The following LRRC42 variants were observed in gnomAD, a reference collection of about 807,000 sequenced individuals.
The protein encoded by LRRC42 is leucine rich repeat containing 42.
In LRRC42, 43 loss-of-function variants were observed where a neutral mutation model predicts 44.3. That is an observed-to-expected ratio of 0.97 (90% CI 0.76 to 1.25). The LOEUF (loss-of-function observed/expected upper bound fraction) is 1.25, where lower values mean the gene tolerates loss of function less well. LRRC42 is among the 50% of genes most tolerant of loss of function. LRRC42 has a pLI of 0.00. For synonymous variants in LRRC42, 207 were observed against 195.2 expected, an observed-to-expected ratio of 1.06 and a Z score of -0.50; for missense variants, 540 against 509.1, an observed-to-expected ratio of 1.06 and a Z score of -0.58.
chr1:53,961,949 C>T (rs369643311), intron 5 of LRRC42, 85 bp from the exon 6 acceptor site: 36 of 957,354 alleles, frequency 3.8e-5, no homozygotes, highest in African/African-American at 1.2e-4. Context: ...TATCATTGCC[C>T]GGACGTTTTT....
Position 53,965,696 on chromosome 1 carries a change from C to T in LRRC42, c.928-600C>T, listed in dbSNP as rs550260658. ...TTCACTGTGTTAGCCAGGATGGTCT[C>T]GATCTCCTGACCTCGTGACCCGCCC... On this transcript the variant is annotated intron_variant, in intron 7 of 8. Transcript: ENST00000371370. 5.8e-4 allele frequency among the ~76,000 whole-genome samples: 88 copies of T among 150,974 alleles called. No individual in the cohort carries two copies. In the South Asian group the frequency reaches 6.1e-3, roughly 10 times the overall value.
chr1:53,956,225 C>T (rs1654832562), intron 3 of LRRC42, among the ~76,000 whole-genome samples: 1 of 152,174 alleles, frequency 6.6e-6, no homozygotes, highest in Non-Finnish European at 1.5e-5. Flanking sequence ...CACAAAGCTA[C>T]CTGCCAGAAG....
intron 2 of LRRC42, among the ~76,000 whole-genome samples, chr1:53,951,782 G>C (rs1654688389): frequency 6.6e-6 from 1 of 152,160 alleles, no homozygotes; most frequent in African/African-American, 2.4e-5. Context: ...AAAAAGGGAA[G>C]AGTAGGAAGG....
intron 3 of LRRC42, 86 bp from the exon 4 acceptor site, chr1:53,958,063 G>A: frequency 6.5e-7 from 1 of 1,550,280 alleles, no homozygotes. Flanking sequence ...TGGGATGGTA[G>A]GATATTGACT....
At position 53,967,986 on chromosome 1, in the gene LRRC42, T is replaced by G. The variant is rs761979621; in HGVS notation, c.*47T>G. 1 of 1,569,372 alleles carries G rather than the reference T, an allele frequency of 6.4e-7. No homozygotes were observed. Among genetic ancestry groups the G allele is most frequent in the Non-Finnish European group, 8.7e-7 (1 of 1,154,702 alleles). ...TTCTCTGGCCCCCAGCTCTAGTGTTTGAGTAAAGGAGACTGAGGATGATTT... is the reference window on the plus strand; with the variant it reads ...TTCTCTGGCCCCCAGCTCTAGTGTTGGAGTAAAGGAGACTGAGGATGATTT... On this transcript the variant is annotated 3_prime_UTR_variant, in exon 9 of 9. Coordinates refer to ENST00000371370, the MANE Select transcript of LRRC42 (RefSeq NM_001256409.2).
chr1:53,947,020 A>G (rs904734491), intron 1 of LRRC42, among the ~76,000 whole-genome samples: 1 of 151,382 alleles, frequency 6.6e-6, no homozygotes, highest in Admixed American at 6.6e-5. Flanking sequence ...ACAGAAGGCA[A>G]GGAAAGGGAT....
chr1:53,961,939 T>C (rs544395471), intron 5 of LRRC42, 95 bp from the exon 6 acceptor site: 81 of 862,166 alleles, frequency 9.4e-5, no homozygotes, highest in Non-Finnish European at 1.5e-4. Context: ...TTTTATAGTT[T>C]ATCATTGCCC....
chr1:53,951,976 G>A lies in LRRC42; in HGVS notation c.-14-10G>A, dbSNP rs769467890. 6.3e-7 allele frequency: 1 copy of A among 1,593,808 alleles called. No homozygotes were observed. Among genetic ancestry groups the A allele is most frequent in the African/African-American group, 1.3e-5 (1 of 74,108 alleles). On this transcript the variant is annotated splice_polypyrimidine_tract_variant and intron_variant, in intron 2 of 8. Coordinates refer to ENST00000371370, the MANE Select transcript of LRRC42 (RefSeq NM_001256409.2). ...AATTGGATTTGCTTCCCTGTGCCTT[G>A]CTTTTACAGTTGCAACCAAGGCAAT...
intron 7 of LRRC42, 112 bp downstream of exon 7, chr1:53,962,521 T>C (rs1385723744): frequency 1.4e-6 from 1 of 713,566 alleles, no homozygotes; most frequent in African/African-American, 1.8e-5. Context: ...TTGGTTAAAT[T>C]GTCATCTTCA....
intron 2 of LRRC42, among the ~76,000 whole-genome samples, chr1:53,950,932 C>A (rs1654657965): frequency 6.6e-6 from 1 of 152,136 alleles, no homozygotes; most frequent in South Asian, 2.1e-4. Context: ...TAAAAAAAAT[C>A]CTGTTGCTTT....
intron 8 of LRRC42, 104 bp downstream of exon 8, chr1:53,966,484 C>CT (rs1655131992): frequency 5.4e-6 from 4 of 746,378 alleles, no homozygotes; most frequent in African/African-American, 5.3e-5. Flanking sequence ...ATAGTATTGG[C>CT]TTATTTATGA....
intron 3 of LRRC42, among the ~76,000 whole-genome samples, chr1:53,955,529 C>T (rs12044549): frequency 0.076 from 11,595 of 151,932 alleles, 814 homozygotes; most frequent in African/African-American, 0.19. Context: ...AACTGCTGAC[C>T]TCAAGTGATC....
At chr1:53,950,193 TTAA>T (rs1654633416) in intron 2 of LRRC42, among the ~76,000 whole-genome samples, 1 of 152,104 alleles carries the variant, frequency 6.6e-6, no homozygotes, top group South Asian at 2.1e-4. Context: ...AGGGACGAAG[TTAA>T]TGATGAGTAG....
Position 53,962,028 on chromosome 1 carries a change from A to G in LRRC42, c.725-6A>G. The G allele has an allele frequency of 6.2e-7, 1 of 1,605,522 alleles. No homozygotes were observed. The highest frequency in any genetic ancestry group is 8.5e-7 in the Non-Finnish European group (1 of 1,174,600). Reference sequence around the variant, plus strand: ...GACAGAATGCTACGTTGTTTTTGACATCTAGGTAACCCTGAGATCACAGAT... The same window carrying G: ...GACAGAATGCTACGTTGTTTTTGACGTCTAGGTAACCCTGAGATCACAGAT... On this transcript the variant is annotated splice_region_variant and splice_polypyrimidine_tract_variant and intron_variant, in intron 5 of 8. Transcript: ENST00000371370.
chr1:53,967,969 C>T lies in LRRC42; in HGVS notation c.*30C>T, dbSNP rs939027878. ...TAGATACAAGTTGACCTTTCTCTGG[C>T]CCCCAGCTCTAGTGTTTGAGTAAAG... is the stretch of plus-strand genomic sequence containing the variant. On this transcript the variant is annotated 3_prime_UTR_variant, in exon 9 of 9. Transcript: ENST00000371370. 5.0e-6 allele frequency: 8 copies of T among 1,594,734 alleles called. No homozygotes were observed. In the African/African-American group the frequency reaches 9.4e-5, roughly 19 times the overall value.
chr1:53,947,210 G>T (rs1654520371), intron 1 of LRRC42, among the ~76,000 whole-genome samples: 2 of 151,964 alleles, frequency 1.3e-5, no homozygotes, highest in Admixed American at 6.6e-5. Flanking sequence ...TTTCACCAGG[G>T]GCTCGGAAGG....
At chr1:53,964,351 C>T (rs1655072248) in intron 7 of LRRC42, among the ~76,000 whole-genome samples, 1 of 152,120 alleles carries the variant, frequency 6.6e-6, no homozygotes, top group Non-Finnish European at 1.5e-5. Context: ...TTTCACTGTT[C>T]TCAGAGCTCC....
rs1332541389 is a variant in LRRC42 at position 53,961,871 on chromosome 1, A to G, written c.725-163A>G. 3 of 585,474 alleles carry G rather than the reference A, an allele frequency of 5.1e-6. No individual in the cohort carries two copies. In the Admixed American group the frequency reaches 1.0e-4, roughly 20 times the overall value. 36.3% of individuals were successfully genotyped at this position (585,474 alleles called of 1,614,324 possible). ...TGAGTGTGGCTCTTTTATATTACAA[A>G]TAGTAAAGATCAGACCTCTGTATTT... On this transcript the variant is annotated intron_variant, in intron 5 of 8. Coordinates refer to ENST00000371370, the MANE Select transcript of LRRC42 (RefSeq NM_001256409.2).
chr1:53,951,325 A>G (rs1490001036), intron 2 of LRRC42, among the ~76,000 whole-genome samples: 1 of 152,248 alleles, frequency 6.6e-6, no homozygotes, highest in Non-Finnish European at 1.5e-5. Flanking sequence ...TTTTGCTAAT[A>G]TAAACTTGCT....
Sources: allele counts gnomAD v4.1 joint callset (sites outside exome capture counted in the v4.1 genomes callset), GRCh38; gene constraint gnomAD v4.1.1; transcripts MANE v1.5; gene names NCBI Gene and HGNC (gene_info 2026-07-23, HGNC 2026-07-21).